CACNA1F: variants seen among roughly 807,000 people sequenced by gnomAD.
CACNA1F encodes the protein calcium voltage-gated channel subunit alpha1 F.
In CACNA1F, 59 loss-of-function variants were observed where a neutral mutation model predicts 143.8. That is an observed-to-expected ratio of 0.41 (90% CI 0.33 to 0.51). The LOEUF (loss-of-function observed/expected upper bound fraction) is 0.51. Ranked by LOEUF, CACNA1F falls within the 20% of genes least tolerant of loss-of-function variation. The probability of loss-of-function intolerance (pLI) is 0.22; values close to 1 mark genes in which losing one functional copy is unlikely to be tolerated. For synonymous variants in CACNA1F, 643 were observed against 649.1 expected, an observed-to-expected ratio of 0.99 and a Z score of 0.14; for missense variants, 1,411 against 1,647.5, an observed-to-expected ratio of 0.86 and a Z score of 2.48.
At chrX:49,217,146 A>G (rs2065725673) in intron 26 of CACNA1F, among the ~76,000 whole-genome samples, 1 of 111,742 alleles carries the variant, frequency 8.9e-6, no homozygotes, top group East Asian at 2.8e-4. Context: ...TTTAGTGGAG[A>G]CGGGGTTTCA....
At chrX:49,225,062 G>A (rs1411172823) in intron 13 of CACNA1F, 76 bp from the exon 14 acceptor site, 3 of 665,423 alleles carry the variant, frequency 4.5e-6, no homozygotes, top group Non-Finnish European at 7.2e-6. Flanking sequence ...TAGGGACCAT[G>A]GGGTGACCCA....
At chrX:49,228,818 C>T (rs1557110676) in intron 6 of CACNA1F, among the ~76,000 whole-genome samples, 3 of 112,566 alleles carry the variant, frequency 2.7e-5, no homozygotes. Flanking sequence ...CCGCCCGCCT[C>T]GGCCTCCCAA....
At chrX:49,226,115 G>A (rs1353632502) in intron 12 of CACNA1F, 46 bp from the exon 13 acceptor site, 2 of 1,164,896 alleles carry the variant, frequency 1.7e-6, no homozygotes, top group Non-Finnish European at 2.3e-6. Context: ...ACCTAAGCCT[G>A]CCCTGGGGGG....
chrX:49,214,053 C>T, intron 30 of CACNA1F, 106 bp downstream of exon 30: 1 of 657,848 alleles, frequency 1.5e-6, no homozygotes, highest in Non-Finnish European at 2.5e-6. Flanking sequence ...TCCCTAGACT[C>T]ACACTCCCTG....
chrX:49,206,918 G>A, intron 44 of CACNA1F, 63 bp from the exon 45 acceptor site: 1 of 1,159,423 alleles, frequency 8.6e-7, no homozygotes. Flanking sequence ...CCTGGGAGAT[G>A]GGGCACAAAC....
At chrX:49,215,990 C>T (rs2065711706) in intron 27 of CACNA1F, among the ~76,000 whole-genome samples, 1 of 109,562 alleles carries the variant, frequency 9.1e-6, no homozygotes, top group African/African-American at 3.3e-5. Flanking sequence ...CAATGAGTAT[C>T]CCAAAGACCT....
chrX:49,223,595 C>CAAAAAAAAAAAA (rs58022930), intron 14 of CACNA1F, among the ~76,000 whole-genome samples: 1 of 23,678 alleles, frequency 4.2e-5, no homozygotes, highest in Non-Finnish European at 6.1e-5. Context: ...GACTCTGTCT[C>CAAAAAAAAAAAA]AAAAAAAAAA....
chrX:49,226,226 G>A lies in CACNA1F; in HGVS notation c.1481C>T (p.Thr494Ile). The change falls in exon 12 of 48, where the codon ACC becomes ATC. Residue 494 changes from threonine to isoleucine, a missense_variant. Physicochemically the swap from Thr to Ile is moderately conservative, Grantham distance 89. Around this residue, in one of 3 missense-constraint regions of CACNA1F, gnomAD observed 950 missense variants for 1,128.1 expected, o/e 0.84. Coordinates refer to ENST00000323022, the MANE Select transcript of CACNA1F (RefSeq NM_001256789.3). ...CTRCLNKIMK[T>I]RVCRRLRRAN... is the part of the protein sequence containing the mutation. The stretch of plus-strand genomic sequence containing the variant: ...AACTTTCCCAACTCACCAGACTCTG[G>A]TTTTCATGATCTTGTTTCTGAAAAA... The A allele has an allele frequency of 1.7e-6, 2 of 1,208,741 alleles. No homozygotes were observed. Among genetic ancestry groups the A allele is most frequent in the Non-Finnish European group, 2.2e-6 (2 of 892,603 alleles).
intron 8 of CACNA1F, among the ~76,000 whole-genome samples, chrX:49,227,760 C>CTA (rs782408099): frequency 8.9e-6 from 1 of 112,423 alleles, no homozygotes; most frequent in East Asian, 2.8e-4. Flanking sequence ...ATATAAAACA[C>CTA]TATATATATG....
In CACNA1F at chrX:49,205,709, G is replaced by A. The variant is rs141521080; in HGVS notation, c.5577C>T (p.Gly1859=). ...GCAGACAGGTGAAGGTGCGCAGTGGGCCACTGGATCTGCCGAGGTACCCCT... is the reference window on the plus strand; with the variant it reads ...GCAGACAGGTGAAGGTGCGCAGTGGACCACTGGATCTGCCGAGGTACCCCT... The part of the protein sequence containing the change: ...AGEGYLGRSS[G]PLRTFTCLHV... Residue 1859 remains glycine (G), a synonymous_variant, in exon 47 of 48, where the codon GGC becomes GGT. Coordinates refer to ENST00000323022, the MANE Select transcript of CACNA1F (RefSeq NM_001256789.3). The A allele has an allele frequency of 1.6e-4, 190 of 1,203,195 alleles. No individual in the cohort carries two copies. The African/African-American group carries it at 3.0e-3, about 19-fold the overall frequency.
At position 49,209,671 on chromosome X, in the gene CACNA1F, T is replaced by C. The variant is rs2065636014; in HGVS notation, c.4779A>G (p.Leu1593=). The change falls in exon 41 of 48, where the codon CTA becomes CTG. Residue 1593 remains leucine, a synonymous_variant. Transcript: ENST00000323022. ...RKFRRRKEKG[L]LGNDAAPSTS... Reference sequence around the variant, plus strand: ...TGCTAGGGGCGGCGTCGTTGCCTAGTAGCCCTTTTTCTTTCCTCCGCCGGA... The same window carrying C: ...TGCTAGGGGCGGCGTCGTTGCCTAGCAGCCCTTTTTCTTTCCTCCGCCGGA... The C allele has an allele frequency of 3.3e-6, 4 of 1,211,021 alleles. No individual in the cohort carries two copies. The highest frequency in any genetic ancestry group is 1.7e-5 in the African/African-American group (1 of 57,887).
rs1452511325 is a variant in CACNA1F at position 49,216,625 on chromosome X, G to A, written c.3090-97C>T. 3 of 778,904 alleles carry A rather than the reference G, an allele frequency of 3.9e-6. No individual in the cohort carries two copies. The African/African-American group carries it at 6.2e-5, about 16-fold the overall frequency. The allele number at this position is 778,904 out of a possible 1,213,427, so 64.2% of individuals were successfully genotyped here. On this transcript the variant is annotated intron_variant, in intron 26 of 47. Coordinates refer to ENST00000323022, the MANE Select transcript of CACNA1F (RefSeq NM_001256789.3). ...CATGGAGGCAGCAGGACATAGTGGTGGAGCAATATGTTCTAGGTTCAAATC... is the reference window on the plus strand; with the variant it reads ...CATGGAGGCAGCAGGACATAGTGGTAGAGCAATATGTTCTAGGTTCAAATC...
chrX:49,228,464 G>A lies in CACNA1F; in HGVS notation c.818-17C>T, dbSNP rs782046301. Reference sequence around the variant, plus strand: ...CTTCCATGTCTGCAGGAAGACTGGAGCTTGGGGCTTCGAAGCAGGCCCACT... The same window carrying A: ...CTTCCATGTCTGCAGGAAGACTGGAACTTGGGGCTTCGAAGCAGGCCCACT... On this transcript the variant is annotated splice_polypyrimidine_tract_variant and intron_variant, in intron 6 of 47. Coordinates refer to ENST00000323022, the MANE Select transcript of CACNA1F (RefSeq NM_001256789.3). 3.4e-6 allele frequency: 4 copies of A among 1,175,213 alleles called. No individual in the cohort carries two copies. The East Asian group carries it at 9.3e-5, about 27-fold the overall frequency.
At position 49,215,244 on chromosome X, in the gene CACNA1F, G is replaced by A. The variant is rs781935911; in HGVS notation, c.3439C>T (p.Arg1147Cys). The part of the protein sequence containing the change: ...YQNCELDKNQ[R>C]QCVEYALKAQ... ...TTGAGGGCATATTCCACACATTGAC[G>A]CTGCATACCAGGGCAGGGCATGAGT... Residue 1147 changes from arginine to cysteine, a missense_variant and splice_region_variant, in exon 29 of 48, where the codon CGT (arginine) becomes TGT (cysteine). Around this residue, in one of 3 missense-constraint regions of CACNA1F, gnomAD observed 950 missense variants for 1,128.1 expected, o/e 0.84. Transcript: ENST00000323022. 6 of 1,207,975 alleles carry A rather than the reference G, an allele frequency of 5.0e-6. No individual in the cohort carries two copies. The Admixed American group carries it at 8.8e-5, about 18-fold the overall frequency.
intron 17 of CACNA1F, 103 bp from the exon 18 acceptor site, chrX:49,221,183 C>A: frequency 1.5e-6 from 1 of 658,851 alleles, no homozygotes. Context: ...TGCTTCCGCT[C>A]TTCCCCACTG....
chrX:49,209,620 C>T lies in CACNA1F; in HGVS notation c.4821+9G>A. The T allele has an allele frequency of 8.3e-7, 1 of 1,211,306 alleles. No homozygotes were observed. Among genetic ancestry groups the T allele is most frequent in the Non-Finnish European group, 1.1e-6 (1 of 895,117 alleles). On this transcript the variant is annotated intron_variant, in intron 41 of 47. Coordinates refer to ENST00000323022, the MANE Select transcript of CACNA1F (RefSeq NM_001256789.3). ...CGTGCCCATCCACACTAGGCCCTGC[C>T]CCGAAGACCTGAAGGGCGGAAGAGG...
rs782510024 is a variant in CACNA1F at position 49,229,408 on chromosome X, C to T, written c.817+812G>A. Among the ~76,000 whole-genome samples, 232 of 112,330 alleles carry T rather than the reference C, an allele frequency of 2.1e-3. 1 individual carries two copies. Among genetic ancestry groups the T allele is most frequent in the African/African-American group, 7.0e-3 (218 of 30,922 alleles). ...CTGACCTCAAGTGATCCATCTGCCT[C>T]GGCCTCCCAAAGTGCTGGGATTACA... On this transcript the variant is annotated intron_variant, in intron 6 of 47. Coordinates refer to ENST00000323022, the MANE Select transcript of CACNA1F (RefSeq NM_001256789.3).
chrX:49,229,272 G>T (rs1390119830), intron 6 of CACNA1F, among the ~76,000 whole-genome samples: 2 of 110,265 alleles, frequency 1.8e-5, no homozygotes, highest in Non-Finnish European at 3.8e-5. Flanking sequence ...TTCTCATGCC[G>T]CAGCCTCCCG....
In CACNA1F at chrX:49,226,020, C is replaced by T. The variant is rs1557109765; in HGVS notation, c.1540G>A (p.Ala514Thr). ...NRVLRARCRRAVKSNACYWAV... is the reference protein window; with the variant it reads ...NRVLRARCRRTVKSNACYWAV... ...CAGTAGCAGGCATTGGACTTCACTG[C>T]CCGACGGCAGCGTGCCCGAAGGACC... is the stretch of plus-strand genomic sequence containing the variant. The change falls in exon 13 of 48, where the codon GCA becomes ACA. Residue 514 changes from alanine (A) to threonine (T), a missense_variant. Physicochemically the swap from Ala to Thr is moderately conservative, Grantham distance 58. Coordinates refer to ENST00000323022, the MANE Select transcript of CACNA1F (RefSeq NM_001256789.3). 3.4e-6 allele frequency: 4 copies of T among 1,187,106 alleles called. No individual in the cohort carries two copies. In the South Asian group the frequency reaches 7.4e-5, roughly 22 times the overall value.
Sources: gnomAD v4.1 joint callset for allele counts (sites outside exome capture counted in the v4.1 genomes callset) on GRCh38, gnomAD v4.1.1 for gene constraint, gnomAD v4.1.1 regional missense constraint, MANE v1.5 for transcripts, NCBI Gene and HGNC (gene_info 2026-07-23, HGNC 2026-07-21) for gene names.